Variants in ASTN2 observed in about 807,000 individuals in gnomAD.
The protein encoded by ASTN2 is astrotactin 2.
A neutral mutation model predicts 139.8 loss-of-function variants in ASTN2; 54 were observed. The ratio of observed to expected loss-of-function variants is 0.39; its 90% CI spans 0.31 to 0.48. The LOEUF (loss-of-function observed/expected upper bound fraction) is 0.48, where lower values mean the gene tolerates loss of function less well. ASTN2 is among the 20% of genes least tolerant of loss of function. The probability of loss-of-function intolerance (pLI) is 0.95; values close to 1 mark genes in which losing one functional copy is unlikely to be tolerated. For missense variants in ASTN2, 1,565 were observed against 1,725.1 expected, an observed-to-expected ratio of 0.91 and a Z score of 1.64; for synonymous variants, 756 against 719.5, an observed-to-expected ratio of 1.05 and a Z score of -0.81.
At chr9:116,601,653 C>T (rs1854905710) in intron 19 of ASTN2, among the ~76,000 whole-genome samples, 1 of 152,112 alleles carries the variant, frequency 6.6e-6, no homozygotes, top group Non-Finnish European at 1.5e-5. Flanking sequence ...TTAAAGATAA[C>T]TGCTTTAAGA....
chr9:116,892,615 T>C (rs1315848628), intron 10 of ASTN2, among the ~76,000 whole-genome samples: 1 of 151,946 alleles, frequency 6.6e-6, no homozygotes, highest in African/African-American at 2.4e-5. Context: ...ATAAAAGTAA[T>C]ACATTGCTGC....
chr9:116,840,507 T>C (rs1424760831), intron 11 of ASTN2, among the ~76,000 whole-genome samples: 2 of 97,564 alleles, frequency 2.0e-5, no homozygotes, highest in Non-Finnish European at 4.0e-5. Flanking sequence ...GACGGGGGGC[T>C]GACCCCCCCC....
At chr9:116,903,912 C>T (rs566558991) in intron 10 of ASTN2, among the ~76,000 whole-genome samples, 1 of 152,288 alleles carries the variant, frequency 6.6e-6, no homozygotes, top group African/African-American at 2.4e-5. Context: ...TCTCACTTGC[C>T]TTCTAGTCTC....
At chr9:117,366,194 A>G (rs1009409951) in intron 1 of ASTN2, among the ~76,000 whole-genome samples, 2 of 152,186 alleles carry the variant, frequency 1.3e-5, no homozygotes, top group African/African-American at 4.8e-5. Context: ...TCAGGAGTCA[A>G]GCCAGTCAGC....
At chr9:116,669,252 G>A (rs1487697181) in intron 16 of ASTN2, among the ~76,000 whole-genome samples, 3 of 152,160 alleles carry the variant, frequency 2.0e-5, no homozygotes, top group Non-Finnish European at 4.4e-5. Flanking sequence ...TAATTTGCAT[G>A]TAATTAAAAG....
At position 116,889,378 on chromosome 9, in the gene ASTN2, A is replaced by G. The variant is rs888295099; in HGVS notation, c.1890-25645T>C. Among the ~76,000 whole-genome samples the G allele has an allele frequency of 9.2e-5, 14 of 152,208 alleles. 1 individual carries two copies. The highest frequency in any genetic ancestry group is 3.4e-3 in the Middle Eastern group (1 of 294). On this transcript the variant is annotated intron_variant, in intron 10 of 22. Coordinates refer to ENST00000313400, the MANE Select transcript of ASTN2 (RefSeq NM_001365068.1). The stretch of plus-strand genomic sequence containing the variant: ...GCCCAGCTGAATTATCACCTCCTCC[A>G]TGAAGTTAGAAGCCCTCCCTTCAAC...
At chr9:117,255,810 C>G (rs895793165) in intron 2 of ASTN2, among the ~76,000 whole-genome samples, 4 of 152,176 alleles carry the variant, frequency 2.6e-5, no homozygotes, top group African/African-American at 9.7e-5. Context: ...GCTCAGCTCT[C>G]TCTAGAGAAG....
At chr9:117,235,714 G>A (rs929956221) in intron 2 of ASTN2, among the ~76,000 whole-genome samples, 2 of 151,988 alleles carry the variant, frequency 1.3e-5, no homozygotes, top group Admixed American at 6.6e-5. Context: ...AATTTAAAGG[G>A]GTTCAAAAAC....
intron 13 of ASTN2, among the ~76,000 whole-genome samples, chr9:116,773,783 A>G (rs905563033): frequency 1.3e-5 from 2 of 152,162 alleles, no homozygotes; most frequent in Non-Finnish European, 2.9e-5. Flanking sequence ...AGGGATAGAA[A>G]ACCCAGGATT....
chr9:117,252,734 G>T (rs201594934), intron 2 of ASTN2, among the ~76,000 whole-genome samples: 2 of 152,186 alleles, frequency 1.3e-5, no homozygotes, highest in Non-Finnish European at 2.9e-5. Context: ...TTAGGAATTT[G>T]CAGAATGATG....
chr9:116,432,468 C>G, intron 22 of ASTN2, among the ~76,000 whole-genome samples: 1 of 152,154 alleles, frequency 6.6e-6, no homozygotes, highest in East Asian at 1.9e-4. Context: ...GGACAGTTTA[C>G]ATAACTCCAC....
chr9:116,784,995 G>C (rs1173140610), intron 13 of ASTN2, among the ~76,000 whole-genome samples: 1 of 151,446 alleles, frequency 6.6e-6, no homozygotes, highest in African/African-American at 2.4e-5. Context: ...TTTGGAGCCA[G>C]ACTGTCTGGA....
At chr9:117,363,012 A>G (rs1333721968) in intron 1 of ASTN2, among the ~76,000 whole-genome samples, 2 of 152,068 alleles carry the variant, frequency 1.3e-5, no homozygotes, top group African/African-American at 4.8e-5. Context: ...TCCAAACCAA[A>G]TTTGGGGTGG....
intron 5 of ASTN2, among the ~76,000 whole-genome samples, chr9:117,040,485 G>A (rs952343612): frequency 9.2e-5 from 14 of 152,150 alleles, no homozygotes; most frequent in Non-Finnish European, 1.9e-4. Flanking sequence ...TTGAGGCGGA[G>A]TCTCGCTTTG....
chr9:117,120,346 C>A (rs184745409), intron 4 of ASTN2, among the ~76,000 whole-genome samples: 2 of 152,064 alleles, frequency 1.3e-5, no homozygotes, highest in African/African-American at 4.8e-5. Flanking sequence ...TATTCACCAA[C>A]CAAAGGAGAG....
chr9:116,861,216 CACACACACACA>C (rs1832872412), intron 11 of ASTN2, among the ~76,000 whole-genome samples: 1 of 9,362 alleles, frequency 1.1e-4, no homozygotes, highest in Non-Finnish European at 5.6e-4. Flanking sequence ...GCCCAAGCTA[CACACACACACA>C]CACACACACA....
At chr9:116,571,291 G>A (rs748053103) in intron 19 of ASTN2, among the ~76,000 whole-genome samples, 28 of 152,308 alleles carry the variant, frequency 1.8e-4, no homozygotes, top group African/African-American at 5.8e-4. Context: ...TATCATGACC[G>A]AGGCAGAGAG....
At chr9:116,626,136 T>C (rs907150769) in intron 17 of ASTN2, among the ~76,000 whole-genome samples, 2 of 145,012 alleles carry the variant, frequency 1.4e-5, no homozygotes, top group Non-Finnish European at 3.0e-5. Context: ...TGTACCACCA[T>C]GCCTGGTTAG....
intron 10 of ASTN2, among the ~76,000 whole-genome samples, chr9:116,936,227 CCACCA>C (rs1835077615): frequency 1.5e-5 from 2 of 130,592 alleles, no homozygotes; most frequent in African/African-American, 5.6e-5. Context: ...ACCACCACTA[CCACCA>C]TCACCACCAC....
Sources: gnomAD v4.1 joint callset for allele counts (sites outside exome capture counted in the v4.1 genomes callset) on GRCh38, gnomAD v4.1.1 for gene constraint, MANE v1.5 for transcripts, NCBI Gene and HGNC (gene_info 2026-07-23, HGNC 2026-07-21) for gene names.